PCDH19: variants seen among roughly 807,000 people sequenced by gnomAD.
PCDH19 encodes the protein protocadherin-19.
In PCDH19, 6 loss-of-function variants were observed where a neutral mutation model predicts 46.2. That is an observed-to-expected ratio of 0.13 (90% CI 0.07 to 0.26). PCDH19 has a LOEUF of 0.26. Among genes scored for constraint, PCDH19 ranks in the 10% least tolerant of loss-of-function variants. The pLI, the probability that PCDH19 is intolerant of heterozygous loss-of-function variation, is 1.00. For missense variants in PCDH19, 740 were observed against 972.3 expected (o/e 0.76, Z 3.18); for synonymous variants, 481 against 415.7 (o/e 1.16, Z -1.91).
rs1924435524 is a variant in PCDH19, at chrX:100,291,876, A to G, written c.*4401T>C. 1 of 112,960 alleles carries G rather than the reference A, an allele frequency of 8.9e-6. No individual in the cohort carries two copies. The highest frequency in any genetic ancestry group is 3.2e-5 in the African/African-American group (1 of 31,000). The allele number at this position is 112,960 out of a possible 1,213,427, so 9.3% of individuals were successfully genotyped here. A position where few individuals can be genotyped will look rare whatever the true frequency, so the allele number is the denominator to read the frequency against. ...TTTTTACAATGATTCAATCACTGTG[A>G]AAATGTACATAACATACAGATCAGC... On this transcript the variant is annotated 3_prime_UTR_variant, in exon 6 of 6. Coordinates refer to ENST00000373034, the MANE Select transcript of PCDH19 (RefSeq NM_001184880.2).
At chrX:100,310,337 C>A (rs771069259) in intron 5 of PCDH19, among the ~76,000 whole-genome samples, 1 of 110,607 alleles carries the variant, frequency 9.0e-6, no homozygotes, top group Admixed American at 9.7e-5. Context: ...AAGTATAAAT[C>A]ATTTGTGCTG....
intron 3 of PCDH19, among the ~76,000 whole-genome samples, chrX:100,363,380 G>T (rs1248045915): frequency 1.9e-5 from 2 of 107,317 alleles, no homozygotes; most frequent in African/African-American, 3.4e-5. Flanking sequence ...GACCAAATGT[G>T]CAAGCACTTT....
chrX:100,295,311 C>G lies in PCDH19; in HGVS notation c.*966G>C, dbSNP rs2068579207. On this transcript the variant is annotated 3_prime_UTR_variant, in exon 6 of 6. Transcript: ENST00000373034. ...AAGCCTGGAAACATAACTTCAGGAG[C>G]AACTTTCCTGTTCAGGGCCTGAAAA... is the stretch of plus-strand genomic sequence containing the variant. 1 of 112,011 alleles carries G rather than the reference C, an allele frequency of 8.9e-6. No homozygotes were observed. The highest frequency in any genetic ancestry group is 3.2e-5 in the African/African-American group (1 of 30,802). The allele number at this position is 112,011 out of a possible 1,213,427, so 9.2% of individuals were successfully genotyped here.
intron 3 of PCDH19, among the ~76,000 whole-genome samples, chrX:100,363,907 GAGAA>G (rs1318161788): frequency 9.5e-6 from 1 of 105,585 alleles, no homozygotes; most frequent in Admixed American, 1.1e-4. Context: ...GAGAGGGAGA[GAGAA>G]AGAGAGCTAA....
intron 3 of PCDH19, among the ~76,000 whole-genome samples, chrX:100,380,319 C>T (rs1313886902): frequency 9.0e-6 from 1 of 111,724 alleles, no homozygotes; most frequent in African/African-American, 3.3e-5. Flanking sequence ...CAAGGGTCAG[C>T]TCAAATATTA....
At chrX:100,401,364 C>T (rs890993425) in intron 3 of PCDH19, among the ~76,000 whole-genome samples, 1 of 112,185 alleles carries the variant, frequency 8.9e-6, no homozygotes, top group African/African-American at 3.2e-5. Flanking sequence ...AAAAATATTT[C>T]TACTTAAGCC....
At chrX:100,388,328 T>C (rs1254311213) in intron 3 of PCDH19, among the ~76,000 whole-genome samples, 1 of 110,098 alleles carries the variant, frequency 9.1e-6, no homozygotes, top group Non-Finnish European at 1.9e-5. Flanking sequence ...TATGCATACA[T>C]TAAACTGGAA....
chrX:100,353,228 G>C lies in PCDH19; in HGVS notation c.2617-2524C>G, dbSNP rs1211867063. ...CTTTCAAACTAAATCATTTTTTCAA[G>C]AAGATTGGTAAAGAGACAAAAATAC... On this transcript the variant is annotated intron_variant, in intron 3 of 5. Transcript: ENST00000373034. Among the ~76,000 whole-genome samples the C allele has an allele frequency of 4.5e-5, 5 of 111,934 alleles. No individual in the cohort carries two copies. In the Admixed American group the frequency reaches 4.7e-4, roughly 11 times the overall value.
chrX:100,305,748 C>T (rs1924926618), intron 5 of PCDH19, among the ~76,000 whole-genome samples: 1 of 111,466 alleles, frequency 9.0e-6, no homozygotes, highest in Non-Finnish European at 1.9e-5. Flanking sequence ...CAAATGGACA[C>T]CAAAAGCGAG....
At chrX:100,356,712 A>C (rs1250520095) in intron 3 of PCDH19, among the ~76,000 whole-genome samples, 1 of 109,672 alleles carries the variant, frequency 9.1e-6, no homozygotes, top group Non-Finnish European at 1.9e-5. Context: ...CCTACTAACC[A>C]CTTATTGTCA....
chrX:100,309,425 G>A (rs182955064), intron 5 of PCDH19, among the ~76,000 whole-genome samples: 12 of 111,368 alleles, frequency 1.1e-4, no homozygotes, highest in Non-Finnish European at 1.9e-4. Context: ...TGCACATTGG[G>A]TAGAGTGTAC....
At chrX:100,317,597 A>T (rs201096660) in intron 5 of PCDH19, among the ~76,000 whole-genome samples, 7 of 2,013 alleles carry the variant, frequency 3.5e-3, no homozygotes, top group African/African-American at 3.4e-3. Context: ...CACCATATTT[A>T]AAAAAAAAAA....
Position 100,296,489 on chromosome X carries a change from G to A in PCDH19, c.3235C>T (p.Pro1079Ser), listed in dbSNP as rs200854927. 1.7e-6 allele frequency: 2 copies of A among 1,209,209 alleles called. No homozygotes were observed. The highest frequency in any genetic ancestry group is 2.2e-6 in the Non-Finnish European group (2 of 894,987). Residue 1079 changes from proline (P) to serine (S), a missense_variant, in exon 6 of 6, where the codon CCT (proline) becomes TCT (serine). By Grantham distance (74) the Pro-to-Ser change is moderately conservative (BLOSUM62 -1). Coordinates refer to ENST00000373034, the MANE Select transcript of PCDH19 (RefSeq NM_001184880.2). ...LHLKSSLPTK[P>S]SVSYTIALAP... Reference sequence around the variant, plus strand: ...AGGGCAATGGTGTAAGACACGGAAGGCTTGGTGGGCAGAGAGCTCTTGAGG... The same window carrying A: ...AGGGCAATGGTGTAAGACACGGAAGACTTGGTGGGCAGAGAGCTCTTGAGG...
At chrX:100,344,482 G>A (rs1453942928) in intron 4 of PCDH19, among the ~76,000 whole-genome samples, 3 of 109,320 alleles carry the variant, frequency 2.7e-5, no homozygotes, top group Non-Finnish European at 5.7e-5. Context: ...GTGAGTGCCT[G>A]CCTACAAGCA....
chrX:100,345,503 T>C (rs1926372314), intron 4 of PCDH19, among the ~76,000 whole-genome samples: 1 of 111,949 alleles, frequency 8.9e-6, no homozygotes, highest in African/African-American at 3.2e-5. Flanking sequence ...AATGTTTAAT[T>C]GCAGTCAGTT....
Position 100,295,032 on chromosome X carries a change from G to A in PCDH19, c.*1245C>T, listed in dbSNP as rs760895771. On this transcript the variant is annotated 3_prime_UTR_variant, in exon 6 of 6. Coordinates refer to ENST00000373034, the MANE Select transcript of PCDH19 (RefSeq NM_001184880.2). Reference sequence around the variant, plus strand: ...TAGAAGGCACAGTAATTGGATTAGCGATGCTGTTACCTGTTACCTGTCTTT... The same window carrying A: ...TAGAAGGCACAGTAATTGGATTAGCAATGCTGTTACCTGTTACCTGTCTTT... The A allele has an allele frequency of 1.8e-5, 2 of 112,340 alleles. No homozygotes were observed. The highest frequency in any genetic ancestry group is 3.7e-4 in the South Asian group (1 of 2,677). The allele number at this position is 112,340 out of a possible 1,213,427, so 9.3% of individuals were successfully genotyped here.
chrX:100,308,269 C>A (rs1411884904), intron 5 of PCDH19, among the ~76,000 whole-genome samples: 2 of 111,094 alleles, frequency 1.8e-5, no homozygotes, highest in Non-Finnish European at 3.8e-5. Context: ...ACAAAGCAAA[C>A]AAAAACAAAG....
At chrX:100,375,649 A>G in intron 3 of PCDH19, among the ~76,000 whole-genome samples, 1 of 111,952 alleles carries the variant, frequency 8.9e-6, no homozygotes, top group Non-Finnish European at 1.9e-5. Context: ...TTCTAGTTCT[A>G]GATCCTTGAG....
intron 3 of PCDH19, among the ~76,000 whole-genome samples, chrX:100,356,773 T>TCTCTCTCA (rs1478418317): frequency 1.0e-5 from 1 of 97,448 alleles, no homozygotes; most frequent in East Asian, 3.9e-4. Flanking sequence ...TCTCTCTCTC[T>TCTCTCTCA]CACACACACA....
Sources: gnomAD v4.1 joint callset for allele counts (sites outside exome capture counted in the v4.1 genomes callset) on GRCh38, gnomAD v4.1.1 for gene constraint, MANE v1.5 for transcripts, NCBI Gene and HGNC (gene_info 2026-07-23, HGNC 2026-07-21) for gene names.